Variants in ADGRV1 observed in about 807,000 individuals in gnomAD.
ADGRV1 encodes adhesion G protein-coupled receptor V1.
In ADGRV1, 359 loss-of-function variants were observed where a neutral mutation model predicts 596.2. The ratio of observed to expected loss-of-function variants is 0.60; its 90% CI spans 0.55 to 0.66. The LOEUF is 0.66. ADGRV1 is among the 30% of genes least tolerant of loss of function. ADGRV1 has a pLI of 0.00. For missense variants in ADGRV1, 7,274 were observed against 7,575.6 expected (o/e 0.96, Z 1.48); for synonymous variants, 2,681 against 2,679.2 (o/e 1.00, Z -0.02).
At chr5:90,778,139 G>A (rs1195745682) in intron 62 of ADGRV1, 96 bp downstream of exon 62, 1 of 1,384,148 alleles carries the variant, frequency 7.2e-7, no homozygotes, top group South Asian at 1.4e-5. Context: ...GTGTTTGTGT[G>A]TGTGTGGTTA....
intron 38 of ADGRV1, among the ~76,000 whole-genome samples, chr5:90,708,344 C>T (rs188844963): frequency 6.6e-6 from 1 of 151,884 alleles, no homozygotes; most frequent in Non-Finnish European, 1.5e-5. Flanking sequence ...ATTATTGCCC[C>T]GTTATAGAGA....
intron 50 of ADGRV1, among the ~76,000 whole-genome samples, chr5:90,742,995 C>T (rs1754152601): frequency 6.6e-6 from 1 of 152,086 alleles, no homozygotes; most frequent in Admixed American, 6.5e-5. Context: ...TTAAGTTTGC[C>T]ATTCACATGC....
Position 90,635,125 on chromosome 5 carries a change from G to A in ADGRV1, c.1851G>A (p.Val617=). The A allele has an allele frequency of 1.3e-6, 2 of 1,587,940 alleles. No individual in the cohort carries two copies. Among genetic ancestry groups the A allele is most frequent in the Non-Finnish European group, 1.7e-6 (2 of 1,157,628 alleles). ...GAHFLVQLET[V]ELLNIIPLIP... is the part of the protein sequence containing the mutation. ...TTTGTTTATTATAGTTGGAAACTGTGGAGTTGTTAAACATAATTCCTCTAA... is the reference window on the plus strand; with the variant it reads ...TTTGTTTATTATAGTTGGAAACTGTAGAGTTGTTAAACATAATTCCTCTAA... The change falls in exon 10 of 90, where the codon GTG becomes GTA. Residue 617 remains valine, a synonymous_variant. Coordinates refer to ENST00000405460, the MANE Select transcript of ADGRV1 (RefSeq NM_032119.4).
chr5:90,729,241 T>C (rs1334840940), intron 49 of ADGRV1, among the ~76,000 whole-genome samples: 2 of 152,194 alleles, frequency 1.3e-5, no homozygotes, highest in African/African-American at 4.8e-5. Flanking sequence ...TTTTTATATG[T>C]ATTTACTTGA....
intron 2 of ADGRV1, among the ~76,000 whole-genome samples, chr5:90,616,694 A>C (rs902565833): frequency 6.6e-6 from 1 of 152,244 alleles, no homozygotes; most frequent in African/African-American, 2.4e-5. Flanking sequence ...AATGATCCCC[A>C]ATGATCAAAT....
intron 83 of ADGRV1, among the ~76,000 whole-genome samples, chr5:90,940,809 A>T (rs1199777281): frequency 7.2e-6 from 1 of 139,146 alleles, no homozygotes; most frequent in Non-Finnish European, 1.6e-5. Context: ...ATTCACACTC[A>T]GAGGGGAATT....
At chr5:90,646,335 A>C (rs938181126) in intron 16 of ADGRV1, among the ~76,000 whole-genome samples, 1 of 151,782 alleles carries the variant, frequency 6.6e-6, no homozygotes, top group African/African-American at 2.4e-5. Context: ...TACTTCAAAA[A>C]TTTTTTGAAG....
chr5:90,689,100 A>T (rs183756107), intron 29 of ADGRV1, among the ~76,000 whole-genome samples: 1 of 152,254 alleles, frequency 6.6e-6, no homozygotes, highest in East Asian at 1.9e-4. Flanking sequence ...ATGTGAATGG[A>T]TGGGATACTG....
intron 76 of ADGRV1, among the ~76,000 whole-genome samples, chr5:90,828,472 T>A (rs1764249344): frequency 1.3e-5 from 2 of 152,152 alleles, no homozygotes; most frequent in Non-Finnish European, 2.9e-5. Flanking sequence ...TATGTATCTA[T>A]TAATAAAATA....
chr5:90,775,392 C>T (rs1426106288), intron 60 of ADGRV1, among the ~76,000 whole-genome samples: 8 of 152,108 alleles, frequency 5.3e-5, no homozygotes, highest in Admixed American at 5.2e-4. Flanking sequence ...CTTTAGTTAT[C>T]TACATCATGT....
At position 90,822,512 on chromosome 5, in the gene ADGRV1, T is replaced by C. The variant is rs188931882; in HGVS notation, c.16197-913T>C. Among the ~76,000 whole-genome samples the C allele has an allele frequency of 3.5e-3, 538 of 152,326 alleles. 5 individuals are homozygous for C. The highest frequency in any genetic ancestry group is 0.012 in the African/African-American group (515 of 41,582). On this transcript the variant is annotated intron_variant, in intron 75 of 89. Transcript: ENST00000405460. ...TATCTCTGTTTTGGTACCAGTACCA[T>C]GCTGTTTTGGTTACTGTAGCCTTGT...
chr5:90,967,284 A>G (rs1260699058), intron 84 of ADGRV1, among the ~76,000 whole-genome samples: 1 of 152,210 alleles, frequency 6.6e-6, no homozygotes, highest in Non-Finnish European at 1.5e-5. Flanking sequence ...TAGGGATAAT[A>G]ATTCCTAACT....
Position 90,693,973 on chromosome 5 carries a change from A to G in ADGRV1, c.7217A>G (p.Asp2406Gly). 9 of 1,611,850 alleles carry G rather than the reference A, an allele frequency of 5.6e-6. No individual in the cohort carries two copies. The highest frequency in any genetic ancestry group is 7.6e-6 in the Non-Finnish European group (9 of 1,178,408). Residue 2406 changes from aspartate (D) to glycine (G), a missense_variant, in exon 33 of 90, where the codon GAT (aspartate) becomes GGT (glycine). Physicochemically the swap from Asp to Gly is moderately conservative, Grantham distance 94. Coordinates refer to ENST00000405460, the MANE Select transcript of ADGRV1 (RefSeq NM_032119.4). The part of the protein sequence containing the change: ...VVALAMEEGQ[D>G]LLSYYESPIQ... Reference sequence around the variant, plus strand: ...GCTCTGGCAATGGAGGAAGGTCAAGATTTACTGTCCTACTATGAATCTCCA... The same window carrying G: ...GCTCTGGCAATGGAGGAAGGTCAAGGTTTACTGTCCTACTATGAATCTCCA...
chr5:90,758,293 A>G (rs1391074822), intron 57 of ADGRV1, among the ~76,000 whole-genome samples: 1 of 152,166 alleles, frequency 6.6e-6, no homozygotes, highest in Non-Finnish European at 1.5e-5. Flanking sequence ...AGATTGCACC[A>G]CTGCACTCCA....
intron 5 of ADGRV1, among the ~76,000 whole-genome samples, chr5:90,624,364 A>AT (rs1764471417): frequency 1.3e-5 from 2 of 152,238 alleles, no homozygotes; most frequent in Non-Finnish European, 2.9e-5. Flanking sequence ...AGGATAAATC[A>AT]TCCAGAGTAG....
At chr5:91,002,971 G>A (rs1781968259) in intron 85 of ADGRV1, among the ~76,000 whole-genome samples, 1 of 152,092 alleles carries the variant, frequency 6.6e-6, no homozygotes, top group Admixed American at 6.6e-5. Flanking sequence ...TGAAATATAT[G>A]GAAAATGTCA....
rs970538389 is a variant in ADGRV1 at position 90,746,796 on chromosome 5, A to G, written c.10974+1001A>G. Among the ~76,000 whole-genome samples the G allele has an allele frequency of 2.6e-5, 4 of 152,206 alleles. No individual in the cohort carries two copies. The East Asian group carries it at 7.7e-4, about 29-fold the overall frequency. On this transcript the variant is annotated intron_variant, in intron 52 of 89. Transcript: ENST00000405460. ...TATGTCTCATTGTCCAGAACTGGGTAACAAGCCCACTCACTCATTCATTCA... is the reference window on the plus strand; with the variant it reads ...TATGTCTCATTGTCCAGAACTGGGTGACAAGCCCACTCACTCATTCATTCA...
chr5:90,944,227 G>A (rs1267583460), intron 83 of ADGRV1, among the ~76,000 whole-genome samples: 1 of 152,028 alleles, frequency 6.6e-6, no homozygotes, highest in Non-Finnish European at 1.5e-5. Flanking sequence ...AAATAATGGG[G>A]TTGGAATTGC....
chr5:91,076,734 T>C (rs2126467718), intron 86 of ADGRV1, among the ~76,000 whole-genome samples: 1 of 152,308 alleles, frequency 6.6e-6, no homozygotes, highest in African/African-American at 2.4e-5. Flanking sequence ...AAACTACATG[T>C]TCAGCTTTGC....
Sources: allele counts gnomAD v4.1 joint callset (sites outside exome capture counted in the v4.1 genomes callset), GRCh38; gene constraint gnomAD v4.1.1; transcripts MANE v1.5; gene names NCBI Gene and HGNC (gene_info 2026-07-23, HGNC 2026-07-21).